Variants in RMDN2 observed in about 807,000 individuals in gnomAD.
The protein encoded by RMDN2 is regulator of microtubule dynamics 2.
A neutral mutation model predicts 52.8 loss-of-function variants in RMDN2; 61 were observed. The observed-to-expected ratio is 1.16, with a 90% CI of 0.94 to 1.43. The LOEUF is 1.43. Ranked by LOEUF, RMDN2 falls within the 40% of genes most tolerant of loss-of-function variation. The pLI is 0.00. For synonymous variants in RMDN2, 180 were observed against 153.1 expected, an observed-to-expected ratio of 1.18 and a Z score of -1.30; for missense variants, 592 against 475.3, an observed-to-expected ratio of 1.25 and a Z score of -2.28.
chr2:37,947,760 C>T (rs558736448), intron 2 of RMDN2, among the ~76,000 whole-genome samples: 5 of 152,228 alleles, frequency 3.3e-5, no homozygotes, highest in Admixed American at 1.3e-4. Flanking sequence ...GAGTACTTCA[C>T]GATATTTGTT....
chr2:37,960,664 T>G lies in RMDN2; in HGVS notation c.453-13376T>G, dbSNP rs6741483. On this transcript the variant is annotated intron_variant, in intron 2 of 10. Transcript: ENST00000354545. The stretch of plus-strand genomic sequence containing the variant: ...ACATTTAAGGTTAATATGTGTCTTT[T>G]AGTTGGGGCACTTAGCCCACTTACA... Among the ~76,000 whole-genome samples, 1,375 of 152,348 alleles carry G rather than the reference T, an allele frequency of 9.0e-3. 20 individuals carry two copies. Among genetic ancestry groups the G allele is most frequent in the African/African-American group, 0.031 (1,290 of 41,580 alleles).
intron 5 of RMDN2, among the ~76,000 whole-genome samples, chr2:37,985,131 C>T (rs1673829972): frequency 1.3e-5 from 2 of 151,064 alleles, no homozygotes; most frequent in African/African-American, 4.9e-5. Flanking sequence ...GTTTTTTTTC[C>T]CTTGACTCAG....
intron 5 of RMDN2, among the ~76,000 whole-genome samples, chr2:37,984,482 A>G (rs1418821372): frequency 6.6e-6 from 1 of 152,230 alleles, no homozygotes; most frequent in African/African-American, 2.4e-5. Flanking sequence ...GCATGCACGC[A>G]TGAATGTGTG....
At chr2:37,990,226 A>C (rs1475882267) in intron 6 of RMDN2, among the ~76,000 whole-genome samples, 1 of 151,304 alleles carries the variant, frequency 6.6e-6, no homozygotes, top group African/African-American at 2.4e-5. Context: ...TTCAAAGATT[A>C]AGAATTAGCC....
chr2:37,955,662 A>G (rs1669358070), intron 2 of RMDN2, among the ~76,000 whole-genome samples: 1 of 152,040 alleles, frequency 6.6e-6, no homozygotes, highest in Admixed American at 6.6e-5. Context: ...AGTTTTCAAG[A>G]GTTTCCACTT....
chr2:37,975,050 G>T, intron 3 of RMDN2, 162 bp from the exon 4 acceptor site: 1 of 619,778 alleles, frequency 1.6e-6, no homozygotes. Flanking sequence ...ATGAGTATTT[G>T]GATTAAAAAT....
intron 10 of RMDN2, chr2:38,028,020 G>T (rs1316809550): frequency 6.6e-6 from 1 of 152,060 alleles, no homozygotes; most frequent in Non-Finnish European, 1.5e-5. Flanking sequence ...TATTTATTTT[G>T]TCTCTGTTGA....
At chr2:37,957,300 A>G (rs1382913485) in intron 2 of RMDN2, among the ~76,000 whole-genome samples, 1 of 152,182 alleles carries the variant, frequency 6.6e-6, no homozygotes, top group Non-Finnish European at 1.5e-5. Flanking sequence ...CTATTTCTCC[A>G]CATCCTCTCC....
At chr2:38,058,467 T>G (rs2125306004) in intron 10 of RMDN2, among the ~76,000 whole-genome samples, 1 of 152,324 alleles carries the variant, frequency 6.6e-6, no homozygotes, top group Non-Finnish European at 1.5e-5. Flanking sequence ...CCTCATCAGC[T>G]TTTCTCAGCT....
intron 10 of RMDN2, among the ~76,000 whole-genome samples, chr2:38,013,476 A>G (rs533004746): frequency 6.6e-5 from 10 of 152,356 alleles, no homozygotes; most frequent in African/African-American, 2.4e-4. Context: ...CTAAAAGTTA[A>G]GAGCACGTTA....
chr2:38,054,684 A>C (rs1329700878), intron 10 of RMDN2, among the ~76,000 whole-genome samples: 1 of 152,176 alleles, frequency 6.6e-6, no homozygotes, highest in Non-Finnish European at 1.5e-5. Context: ...GGCTTGCAGC[A>C]TGACCACCTA....
chr2:37,942,355 C>G (rs1421925945), intron 2 of RMDN2, among the ~76,000 whole-genome samples: 1 of 152,204 alleles, frequency 6.6e-6, no homozygotes, highest in East Asian at 1.9e-4. Flanking sequence ...ACCATCTTGC[C>G]TGGGAATCCT....
intron 4 of RMDN2, among the ~76,000 whole-genome samples, chr2:37,980,001 A>G (rs542110258): frequency 6.6e-6 from 1 of 152,306 alleles, no homozygotes; most frequent in Non-Finnish European, 1.5e-5. Flanking sequence ...CGATTTCTAC[A>G]CAGAATATTT....
At chr2:37,943,276 G>T (rs1015353784) in intron 2 of RMDN2, among the ~76,000 whole-genome samples, 1 of 152,132 alleles carries the variant, frequency 6.6e-6, no homozygotes, top group Admixed American at 6.6e-5. Context: ...GGATAAGCCT[G>T]AAAAAGAAGA....
Position 38,048,813 on chromosome 2 carries a change from C to T in RMDN2, c.1714-18169C>T, listed in dbSNP as rs528186813. On this transcript the variant is annotated intron_variant, in intron 10 of 10. Transcript: ENST00000234195. ...AAGGGGTGGAGATTATTAGCACTGTCGCAACTTAGAGGCAGGGAGAACTAC... is the reference window on the plus strand; with the variant it reads ...AAGGGGTGGAGATTATTAGCACTGTTGCAACTTAGAGGCAGGGAGAACTAC... Among the ~76,000 whole-genome samples the T allele has an allele frequency of 5.9e-5, 9 of 152,314 alleles. No individual in the cohort carries two copies. In the South Asian group the frequency reaches 1.5e-3, roughly 25 times the overall value.
At chr2:38,054,921 C>T (rs1439422346) in intron 10 of RMDN2, among the ~76,000 whole-genome samples, 4 of 152,104 alleles carry the variant, frequency 2.6e-5, no homozygotes, top group Non-Finnish European at 4.4e-5. Context: ...CAAAGGGCTC[C>T]AAGTGTCCCA....
intron 10 of RMDN2, chr2:38,039,315 T>C (rs1680808260): frequency 6.6e-6 from 1 of 152,078 alleles, no homozygotes; most frequent in Non-Finnish European, 1.5e-5. Context: ...TAACTCACAC[T>C]TGTCTGGTCC....
At chr2:37,955,870 T>C (rs916456297) in intron 2 of RMDN2, among the ~76,000 whole-genome samples, 1 of 152,186 alleles carries the variant, frequency 6.6e-6, no homozygotes, top group Non-Finnish European at 1.5e-5. Context: ...GATTTTTACA[T>C]TGAACTTCCT....
chr2:37,971,567 A>G (rs775728124), intron 2 of RMDN2, among the ~76,000 whole-genome samples: 29 of 152,264 alleles, frequency 1.9e-4, no homozygotes, highest in Non-Finnish European at 3.1e-4. Flanking sequence ...TAGAGTTTCA[A>G]TTTCATCTTT....
Sources: gnomAD v4.1 joint callset for allele counts (sites outside exome capture counted in the v4.1 genomes callset) on GRCh38, gnomAD v4.1.1 for gene constraint, MANE v1.5 for transcripts, NCBI Gene and HGNC (gene_info 2026-07-23, HGNC 2026-07-21) for gene names.